SLC26A5: variants seen among roughly 807,000 people sequenced by gnomAD.
SLC26A5 encodes solute carrier family 26 member 5, also known as prestin.
A neutral mutation model predicts 81.0 loss-of-function variants in SLC26A5; 51 were observed. The ratio of observed to expected loss-of-function variants is 0.63; its 90% CI spans 0.50 to 0.80. The LOEUF (loss-of-function observed/expected upper bound fraction) is 0.80, where lower values mean the gene tolerates loss of function less well. Ranked by LOEUF, SLC26A5 falls within the 30% of genes least tolerant of loss-of-function variation. The probability of loss-of-function intolerance (pLI) is 0.00; values close to 1 mark genes in which losing one functional copy is unlikely to be tolerated. For synonymous variants in SLC26A5, 325 were observed against 332.8 expected, an observed-to-expected ratio of 0.98 and a Z score of 0.25; for missense variants, 771 against 905.8, an observed-to-expected ratio of 0.85 and a Z score of 1.91.
intron 4 of SLC26A5, among the ~76,000 whole-genome samples, chr7:103,414,823 G>C (rs1824783729): frequency 6.6e-6 from 1 of 152,164 alleles, no homozygotes; most frequent in South Asian, 2.1e-4. Flanking sequence ...CAAACTCCAG[G>C]GGGTACTGTT....
chr7:103,406,160 CT>C, intron 8 of SLC26A5, among the ~76,000 whole-genome samples: 1 of 152,180 alleles, frequency 6.6e-6, no homozygotes, highest in African/African-American at 2.4e-5. Flanking sequence ...GGCTCCCTGC[CT>C]TTAGCCCCCT....
At chr7:103,404,170 C>G (rs1411858454) in intron 8 of SLC26A5, among the ~76,000 whole-genome samples, 1 of 151,452 alleles carries the variant, frequency 6.6e-6, no homozygotes, top group Non-Finnish European at 1.5e-5. Context: ...GGGACAAGAG[C>G]AAGACTTTGT....
chr7:103,371,590 A>T (rs62482410), downstream of SLC26A5, among the ~76,000 whole-genome samples: 1 of 151,718 alleles, frequency 6.6e-6, no homozygotes, highest in Non-Finnish European at 1.5e-5. Flanking sequence ...CTCCCAAAGT[A>T]CTGGATTACA....
intron 19 of SLC26A5, chr7:103,368,892 G>A (rs1173219211): frequency 6.7e-6 from 1 of 148,288 alleles, no homozygotes; most frequent in Non-Finnish European, 1.5e-5. Context: ...CTACAGTGAG[G>A]TATTTTAAAA....
chr7:103,376,797 G>C lies in SLC26A5; in HGVS notation c.2041+11C>G. 2 of 1,582,276 alleles carry C rather than the reference G, an allele frequency of 1.3e-6. No individual in the cohort carries two copies. The highest frequency in any genetic ancestry group is 1.7e-6 in the Non-Finnish European group (2 of 1,152,416). On this transcript the variant is annotated intron_variant, in intron 19 of 19. Coordinates refer to ENST00000306312, the MANE Select transcript of SLC26A5 (RefSeq NM_198999.3). Reference sequence around the variant, plus strand: ...ATATTAAGCTTCACCCCATCTTAGAGGTATACTCACCACTGCATCCTGCTA... The same window carrying C: ...ATATTAAGCTTCACCCCATCTTAGACGTATACTCACCACTGCATCCTGCTA...
chr7:103,401,151 T>G (rs373288950), intron 8 of SLC26A5, among the ~76,000 whole-genome samples: 4 of 152,294 alleles, frequency 2.6e-5, no homozygotes, highest in Admixed American at 1.3e-4. Context: ...TTCTATAAAT[T>G]ACTTTGGGCA....
At chr7:103,414,288 C>T (rs1164670650) in intron 4 of SLC26A5, among the ~76,000 whole-genome samples, 2 of 151,428 alleles carry the variant, frequency 1.3e-5, no homozygotes, top group African/African-American at 4.9e-5. Context: ...CGGGCTCAAG[C>T]AATCCTCCCA....
intron 11 of SLC26A5, 51 bp from the exon 12 acceptor site, chr7:103,390,557 G>C: frequency 6.9e-7 from 1 of 1,449,568 alleles, no homozygotes; most frequent in Non-Finnish European, 9.7e-7. Flanking sequence ...TTGAATAAGA[G>C]GCAGGGCATA....
In SLC26A5 at chr7:103,377,652, C is replaced by T. The variant is rs757067537; in HGVS notation, c.1933G>A (p.Asp645Asn). The T allele has an allele frequency of 3.7e-6, 6 of 1,614,056 alleles. No homozygotes were observed. Among genetic ancestry groups the T allele is most frequent in the Non-Finnish European group, 5.1e-6 (6 of 1,180,000 alleles). The change falls in exon 18 of 20, where the codon GAT becomes AAT. Residue 645 changes from aspartate to asparagine, a missense_variant. Asp to Asn is a conservative substitution (Grantham distance 23). Coordinates refer to ENST00000306312, the MANE Select transcript of SLC26A5 (RefSeq NM_198999.3). ...TCAATAAAATTGACTTGAGTGAAAT[C>T]CAAAATGACAGTGTGGACGTTATCC... ...PGDNVHTVIL[D>N]FTQVNFIDSV... is the part of the protein sequence containing the mutation.
chr7:103,441,278 A>G (rs141114981), intron 2 of SLC26A5, among the ~76,000 whole-genome samples: 142 of 152,228 alleles, frequency 9.3e-4, no homozygotes, highest in Middle Eastern at 3.4e-3. Flanking sequence ...TCTTCTAGGT[A>G]TTTTGGGAAA....
chr7:103,364,320 T>G, intron 19 of SLC26A5: 1 of 1,613,418 alleles, frequency 6.2e-7, no homozygotes, highest in Non-Finnish European at 8.5e-7. Flanking sequence ...AAAGTAAATT[T>G]ATCAAAGAAT....
rs1824490294 is a variant in SLC26A5 at position 103,411,572 on chromosome 7, T to C, written c.418A>G (p.Ile140Val). 3 of 1,614,126 alleles carry C rather than the reference T, an allele frequency of 1.9e-6. No individual in the cohort carries two copies. The highest frequency in any genetic ancestry group is 2.2e-5 in the East Asian group (1 of 44,860). ...GCTACACCACCAATCATCAGGCTAA[T>C]AACAGCAAAAGGACCTGAAATAATG... ...RHISIGPFAV[I>V]SLMIGGVAVR... Residue 140 changes from isoleucine to valine, a missense_variant, in exon 6 of 20, where the codon ATT becomes GTT. Transcript: ENST00000306312.
At chr7:103,354,760 G>T in intron 19 of SLC26A5, 1 of 690,280 alleles carries the variant, frequency 1.4e-6, no homozygotes. Flanking sequence ...CACAAGCTTT[G>T]GGATAATGAT....
chr7:103,443,316 T>C (rs1323049443), intron 1 of SLC26A5, 105 bp from the exon 2 acceptor site: 4 of 152,234 alleles, frequency 2.6e-5, no homozygotes, highest in East Asian at 3.8e-4. Flanking sequence ...TCATTCCTAA[T>C]ACCAACCCAC....
chr7:103,371,985 G>A (rs544694616), downstream of SLC26A5, among the ~76,000 whole-genome samples: 94 of 152,260 alleles, frequency 6.2e-4, no homozygotes, highest in Non-Finnish European at 9.7e-4. Flanking sequence ...GTGAGCCACC[G>A]CACCTGGCCG....
In SLC26A5 at chr7:103,355,502, C is replaced by CT. The variant is rs1224255079; in HGVS notation, c.2042-2577dup. On this transcript the variant is annotated intron_variant, in intron 19 of 19. Transcript: ENST00000339444. ...CTGGAGACATCCTTGATTGTCATGA[C>CT]TTTGAGAGAGGGTGGTGCTGCTGGC... is the stretch of plus-strand genomic sequence containing the variant. 2.1e-5 allele frequency among the ~76,000 whole-genome samples: 3 copies of CT among 141,500 alleles called. No homozygotes were observed. In the Admixed American group the frequency reaches 2.1e-4, roughly 10 times the overall value. 92.8% of individuals were successfully genotyped at this position (141,500 alleles called of 152,430 possible). A position where few individuals can be genotyped will look rare whatever the true frequency, so the allele number is the denominator to read the frequency against.
chr7:103,392,814 T>C (rs1423127598), intron 10 of SLC26A5, 105 bp downstream of exon 10: 1 of 1,404,042 alleles, frequency 7.1e-7, no homozygotes, highest in Non-Finnish European at 1.0e-6. Context: ...CCTGACCTCA[T>C]GATCCGCCTG....
At chr7:103,354,494 G>C (rs554073397) in intron 19 of SLC26A5, among the ~76,000 whole-genome samples, 3 of 151,366 alleles carry the variant, frequency 2.0e-5, no homozygotes, top group Admixed American at 6.6e-5. Flanking sequence ...TCAGCCTCCT[G>C]AGTAGCTGGG....
At chr7:103,412,552 TG>T (rs200345343) in intron 5 of SLC26A5, among the ~76,000 whole-genome samples, 13,561 of 136,464 alleles carry the variant, frequency 0.099, 1,802 homozygotes, top group African/African-American at 0.28. Flanking sequence ...GTTTTTTTTT[TG>T]TTTTTTTTTT....
Sources: gnomAD v4.1 joint callset for allele counts (sites outside exome capture counted in the v4.1 genomes callset) on GRCh38, gnomAD v4.1.1 for gene constraint, MANE v1.5 for transcripts, NCBI Gene and HGNC (gene_info 2026-07-23, HGNC 2026-07-21) for gene names.